The following TEX15 variants were observed in gnomAD, a reference collection of about 807,000 sequenced individuals.
The protein encoded by TEX15 is testis expressed 15, meiosis and synapsis associated.
TEX15 carries 171 observed loss-of-function variants against 237.3 expected under a neutral mutation model. The observed-to-expected ratio is 0.72, with a 90% CI of 0.64 to 0.82. TEX15 has a LOEUF of 0.82. Among genes scored for constraint, TEX15 ranks in the 40% least tolerant of loss-of-function variants. The probability of loss-of-function intolerance (pLI) is 0.00; values close to 1 mark genes in which losing one functional copy is unlikely to be tolerated. For missense variants in TEX15, 3,750 were observed against 3,646.5 expected, an observed-to-expected ratio of 1.03 and a Z score of -0.73; for synonymous variants, 1,338 against 1,269.8, an observed-to-expected ratio of 1.05 and a Z score of -1.14.
intron 9 of TEX15, 102 bp from the exon 10 acceptor site, chr8:30,838,163 T>C (rs1807355284): frequency 1.9e-6 from 2 of 1,070,708 alleles, no homozygotes; most frequent in South Asian, 1.9e-5. Flanking sequence ...GGAAGAGTTC[T>C]TAAGCTTTAC....
rs781123140 is a variant in TEX15 at position 30,848,346 on chromosome 8, CTTTT to C, written c.1817_1820del (p.Lys606ArgfsTer3). 5.0e-6 allele frequency: 8 copies of C among 1,614,064 alleles called. No individual in the cohort carries two copies. The highest frequency in any genetic ancestry group is 6.8e-6 in the Non-Finnish European group (8 of 1,179,996). On this transcript the variant is annotated frameshift_variant, in exon 8 of 11. Coordinates refer to ENST00000643185, the MANE Select transcript of TEX15 (RefSeq NM_001350162.2). LOFTEE classifies it high-confidence loss of function. ...GAAGGTATTCATCAATGCTTACTTT[CTTTT>C]TGAGTGGAAAAACTGTAGACGTTTG...
intron 4 of TEX15, among the ~76,000 whole-genome samples, chr8:30,867,929 C>A (rs566448988): frequency 1.3e-5 from 2 of 152,048 alleles, no homozygotes; most frequent in South Asian, 2.1e-4. Context: ...GAATTATACA[C>A]GCCAATTCTT....
rs748355100 is a variant in TEX15, at chr8:30,836,886, T to C, written c.9398A>G (p.Tyr3133Cys). Residue 3133 changes from tyrosine (Y) to cysteine (C), a missense_variant, in exon 10 of 11, where the codon TAT (tyrosine) becomes TGT (cysteine). Coordinates refer to ENST00000643185, the MANE Select transcript of TEX15 (RefSeq NM_001350162.2). The part of the protein sequence containing the change: ...SNFRQPIFSQ[Y>C]ASHQPLPQAT... ...TTGTGGTAATGGCTGATGAGAAGCATATTGTGAAAAAATTGGCTGCCGAAA... is the reference window on the plus strand; with the variant it reads ...TTGTGGTAATGGCTGATGAGAAGCACATTGTGAAAAAATTGGCTGCCGAAA... The C allele has an allele frequency of 6.2e-7, 1 of 1,614,112 alleles. No individual in the cohort carries two copies. Among genetic ancestry groups the C allele is most frequent in the Non-Finnish European group, 8.5e-7 (1 of 1,180,004 alleles).
chr8:30,843,510 G>A lies in TEX15; in HGVS notation c.6657C>T (p.Ile2219=), dbSNP rs1328961074. 1 of 1,612,922 alleles carries A rather than the reference G, an allele frequency of 6.2e-7. No homozygotes were observed. The highest frequency in any genetic ancestry group is 1.7e-5 in the Admixed American group (1 of 59,938). Residue 2219 remains isoleucine (I), a synonymous_variant, in exon 8 of 11, where the codon ATC becomes ATT. Transcript: ENST00000643185. The part of the protein sequence containing the change: ...EILRKSTLKL[I]NVCGDSPKVH... ...CTTTAGGAGAGTCCCCACATACATTGATCAACTTTAAAGTACTTTTTCTTA... is the reference window on the plus strand; with the variant it reads ...CTTTAGGAGAGTCCCCACATACATTAATCAACTTTAAAGTACTTTTTCTTA...
In TEX15 at chr8:30,847,197, A is replaced by C. The variant is rs1206959112; in HGVS notation, c.2970T>G (p.Ala990=). 6.2e-7 allele frequency: 1 copy of C among 1,613,904 alleles called. No individual in the cohort carries two copies. Among genetic ancestry groups the C allele is most frequent in the African/African-American group, 1.3e-5 (1 of 74,928 alleles). Residue 990 remains alanine, a synonymous_variant, in exon 8 of 11, where the codon GCT becomes GCG. Transcript: ENST00000643185. ...TATTTAGGCTTAATGCAGGCATAGT[A>C]GCACTAGCTATCTGTATTGCAGCAT... ...ASNAAIQIAS[A]TMPALSLNND...
rs1353676158 is a variant in TEX15 at position 30,847,356 on chromosome 8, T to C, written c.2811A>G (p.Ala937=). The change falls in exon 8 of 11, where the codon GCA becomes GCG. Residue 937 remains alanine (A), a synonymous_variant. Transcript: ENST00000643185. ...REDNAVSAAT[A]LLESEEDTIS... is the part of the protein sequence containing the mutation. ...TGGTATCTTCTTCACTCTCTAATAATGCAGTTGCTGCTGACACTGCATTAT... is the reference window on the plus strand; with the variant it reads ...TGGTATCTTCTTCACTCTCTAATAACGCAGTTGCTGCTGACACTGCATTAT... 2 of 1,613,822 alleles carry C rather than the reference T, an allele frequency of 1.2e-6. No homozygotes were observed. The highest frequency in any genetic ancestry group is 3.3e-5 in the Admixed American group (2 of 60,022).
intron 3 of TEX15, among the ~76,000 whole-genome samples, chr8:30,882,420 G>A (rs1308163519): frequency 6.6e-6 from 1 of 152,172 alleles, no homozygotes; most frequent in East Asian, 1.9e-4. Context: ...CCAAGTAGCT[G>A]GGACTACAGG....
chr8:30,875,327 G>C (rs323379), intron 3 of TEX15, among the ~76,000 whole-genome samples: 1,755 of 152,200 alleles, frequency 0.012, 16 homozygotes, highest in Non-Finnish European at 0.017. Flanking sequence ...CCTATTAAGA[G>C]TTCTTAAAAG....
At chr8:30,864,527 A>AAAAAG (rs1808116610) in intron 5 of TEX15, among the ~76,000 whole-genome samples, 2 of 151,770 alleles carry the variant, frequency 1.3e-5, no homozygotes, top group Admixed American at 6.6e-5. Context: ...AAAAAGAAAA[A>AAAAAG]AAAAGAAAAG....
intron 4 of TEX15, among the ~76,000 whole-genome samples, chr8:30,874,200 T>A (rs192549376): frequency 6.6e-6 from 1 of 152,132 alleles, no homozygotes; most frequent in Admixed American, 6.6e-5. Flanking sequence ...TCAAGAGGAA[T>A]CAATTCTAAA....
At chr8:30,871,797 T>C (rs763128947) in intron 4 of TEX15, among the ~76,000 whole-genome samples, 1 of 152,146 alleles carries the variant, frequency 6.6e-6, no homozygotes, top group Non-Finnish European at 1.5e-5. Context: ...ATCACATGGA[T>C]GAAATGCCTT....
At chr8:30,835,496 C>G (rs1030034047) in intron 10 of TEX15, among the ~76,000 whole-genome samples, 1 of 152,114 alleles carries the variant, frequency 6.6e-6, no homozygotes, top group Non-Finnish European at 1.5e-5. Context: ...ACAGCTTGAG[C>G]CCAGGAGTTT....
intron 2 of TEX15, among the ~76,000 whole-genome samples, chr8:30,894,112 A>T (rs537517722): frequency 3.9e-5 from 6 of 152,274 alleles, no homozygotes; most frequent in African/African-American, 9.6e-5. Context: ...TTTGGTTCTT[A>T]AAAAAATCTG....
chr8:30,881,226 C>G (rs1365661839), intron 3 of TEX15, among the ~76,000 whole-genome samples: 1 of 152,136 alleles, frequency 6.6e-6, no homozygotes, highest in Non-Finnish European at 1.5e-5. Flanking sequence ...ATATTGGTCT[C>G]ATCTTGGAAC....
intron 5 of TEX15, 33 bp downstream of exon 5, chr8:30,867,232 C>A: frequency 9.5e-7 from 1 of 1,055,124 alleles, no homozygotes; most frequent in South Asian, 1.4e-5. Flanking sequence ...AGCAAACTGT[C>A]CATATACTTA....
In TEX15 at chr8:30,844,871, G is replaced by C; in HGVS notation, c.5296C>G (p.Leu1766Val). The change falls in exon 8 of 11, where the codon CTT (leucine) becomes GTT (valine). Residue 1766 changes from leucine (L) to valine (V), a missense_variant. Physicochemically the swap from Leu to Val is conservative, Grantham distance 32. Transcript: ENST00000643185. Reference protein sequence around the residue: ...HCEQSCREKELLKTEQCSSGN... With the variant: ...HCEQSCREKEVLKTEQCSSGN... ...GAAGAGCACTGTTCTGTCTTTAGAA[G>C]CTCTTTTTCTCTACAGCTCTGCTCA... The C allele has an allele frequency of 6.2e-7, 1 of 1,613,346 alleles. No individual in the cohort carries two copies. The highest frequency in any genetic ancestry group is 8.5e-7 in the Non-Finnish European group (1 of 1,179,548).
At chr8:30,908,210 C>T (rs1057194774) in intron 1 of TEX15, among the ~76,000 whole-genome samples, 1 of 152,068 alleles carries the variant, frequency 6.6e-6, no homozygotes, top group Non-Finnish European at 1.5e-5. Flanking sequence ...AGGCATGAGC[C>T]ACTGTGCCTG....
intron 3 of TEX15, among the ~76,000 whole-genome samples, chr8:30,881,598 C>A (rs932587764): frequency 3.1e-5 from 3 of 97,708 alleles, no homozygotes; most frequent in African/African-American, 6.1e-5. Context: ...ATTAATTATC[C>A]TTCCATCTTG....
chr8:30,862,186 A>G (rs1325324361), intron 5 of TEX15, among the ~76,000 whole-genome samples: 1 of 152,204 alleles, frequency 6.6e-6, no homozygotes, highest in East Asian at 1.9e-4. Flanking sequence ...TTAGCAAAGA[A>G]TCATTCGTGT....
Sources: gnomAD v4.1 joint callset for allele counts (sites outside exome capture counted in the v4.1 genomes callset) on GRCh38, gnomAD v4.1.1 for gene constraint, MANE v1.5 for transcripts, NCBI Gene and HGNC (gene_info 2026-07-23, HGNC 2026-07-21) for gene names.